KCNMA1: variants seen among roughly 807,000 people sequenced by gnomAD.
KCNMA1 encodes potassium calcium-activated channel subfamily M alpha 1.
In KCNMA1, 29 loss-of-function variants were observed where a neutral mutation model predicts 140.0. The ratio of observed to expected loss-of-function variants is 0.21; its 90% confidence interval spans 0.15 to 0.28. KCNMA1 has a LOEUF of 0.28. Among genes scored for constraint, KCNMA1 ranks in the 10% least tolerant of loss-of-function variants. The probability of loss-of-function intolerance (pLI) is 1.00; values close to 1 mark genes in which losing one functional copy is unlikely to be tolerated. For missense variants in KCNMA1, 880 were observed against 1,602.2 expected, an observed-to-expected ratio of 0.55 and a Z score of 7.70; for synonymous variants, 612 against 611.9, an observed-to-expected ratio of 1.00 and a Z score of 0.00.
At chr10:77,408,358 G>T (rs867731404) in intron 1 of KCNMA1, among the ~76,000 whole-genome samples, 1 of 152,226 alleles carries the variant, frequency 6.6e-6, no homozygotes. Context: ...CCCGATGTCA[G>T]TCAGGAAATC....
intron 2 of KCNMA1, among the ~76,000 whole-genome samples, chr10:77,264,077 C>T (rs2062754153): frequency 6.6e-6 from 1 of 152,166 alleles, no homozygotes; most frequent in Non-Finnish European, 1.5e-5. Context: ...TAAATTCCCA[C>T]TCCTACAGCC....
intron 2 of KCNMA1, among the ~76,000 whole-genome samples, chr10:77,297,437 T>C (rs2075455007): frequency 6.6e-6 from 1 of 152,168 alleles, no homozygotes; most frequent in Non-Finnish European, 1.5e-5. Context: ...TCAGGGAACA[T>C]AAGCTTTTAT....
At chr10:77,426,205 G>T (rs560938937) in intron 1 of KCNMA1, among the ~76,000 whole-genome samples, 1 of 152,184 alleles carries the variant, frequency 6.6e-6, no homozygotes, top group Non-Finnish European at 1.5e-5. Context: ...TGACAGAGAT[G>T]AAAAGAAGAA....
chr10:77,596,599 G>C (rs2081009153), intron 1 of KCNMA1, among the ~76,000 whole-genome samples: 1 of 152,162 alleles, frequency 6.6e-6, no homozygotes, highest in Non-Finnish European at 1.5e-5. Flanking sequence ...GCACAAGAAG[G>C]GATGCTATGG....
rs2670108 is a variant in KCNMA1, at chr10:77,559,097, T to G, written c.378+78168A>C. Among the ~76,000 whole-genome samples the G allele has an allele frequency of 5.3e-5, 8 of 152,216 alleles. No individual in the cohort carries two copies. The South Asian group carries it at 1.5e-3, about 28-fold the overall frequency. ...CCTGTCACTGGGCAACATGTGGTTG[T>G]GTTCAGACATCTCCCACCTGTCCAT... is the stretch of plus-strand genomic sequence containing the variant. On this transcript the variant is annotated intron_variant, in intron 1 of 27. Coordinates refer to ENST00000286628, the MANE Select transcript of KCNMA1 (RefSeq NM_001161352.2).
At chr10:77,420,041 G>A (rs1372494303) in intron 1 of KCNMA1, among the ~76,000 whole-genome samples, 1 of 152,246 alleles carries the variant, frequency 6.6e-6, no homozygotes, top group Non-Finnish European at 1.5e-5. Context: ...TGTGATTCAT[G>A]ATTTGTACCT....
At chr10:77,259,666 AAGC>A (rs1316562545) in intron 2 of KCNMA1, among the ~76,000 whole-genome samples, 1 of 152,158 alleles carries the variant, frequency 6.6e-6, no homozygotes, top group Non-Finnish European at 1.5e-5. Context: ...GCCTTCGCAC[AAGC>A]ACTTTCCTCC....
At chr10:77,592,096 T>C (rs888140516) in intron 1 of KCNMA1, among the ~76,000 whole-genome samples, 1 of 152,152 alleles carries the variant, frequency 6.6e-6, no homozygotes, top group African/African-American at 2.4e-5. Flanking sequence ...GAATCCTTGC[T>C]CGGAGGGAGC....
chr10:76,973,110 C>T (rs182365259), intron 19 of KCNMA1: 1 of 152,294 alleles, frequency 6.6e-6, no homozygotes, highest in East Asian at 1.9e-4. Context: ...AATTTACAAG[C>T]TCTTATTTAA....
intron 3 of KCNMA1, among the ~76,000 whole-genome samples, chr10:77,186,446 T>C (rs1195229375): frequency 6.6e-6 from 1 of 151,874 alleles, no homozygotes; most frequent in Non-Finnish European, 1.5e-5. Context: ...GCATGGAATT[T>C]GGTTAGTCCA....
At chr10:77,185,770 T>C (rs2098844829) in intron 3 of KCNMA1, among the ~76,000 whole-genome samples, 1 of 151,876 alleles carries the variant, frequency 6.6e-6, no homozygotes, top group Non-Finnish European at 1.5e-5. Context: ...AGAGGATCAG[T>C]GTGTGGAAAG....
intron 2 of KCNMA1, among the ~76,000 whole-genome samples, chr10:77,391,126 C>T (rs2095804747): frequency 6.6e-6 from 1 of 152,170 alleles, no homozygotes; most frequent in Non-Finnish European, 1.5e-5. Context: ...CCTGCTGAAT[C>T]CTGGGCTGCT....
intron 2 of KCNMA1, among the ~76,000 whole-genome samples, chr10:77,306,755 T>C (rs555933936): frequency 7.2e-5 from 11 of 152,330 alleles, no homozygotes; most frequent in East Asian, 1.9e-4. Flanking sequence ...CAAGAAGTGA[T>C]GGTGGCCTGA....
At chr10:77,101,952 C>T (rs1454693840) in intron 9 of KCNMA1, among the ~76,000 whole-genome samples, 1 of 152,172 alleles carries the variant, frequency 6.6e-6, no homozygotes, top group Non-Finnish European at 1.5e-5. Context: ...GGTGTTGTAG[C>T]AAGACTCTCT....
At chr10:77,171,384 TGC>T (rs2098704538) in intron 5 of KCNMA1, among the ~76,000 whole-genome samples, 5 of 129,646 alleles carry the variant, frequency 3.9e-5, no homozygotes, top group South Asian at 2.7e-4. Context: ...AAAGTACGTG[TGC>T]GTGTGTGTGT....
chr10:77,317,402 C>A (rs1223365604), intron 2 of KCNMA1, among the ~76,000 whole-genome samples: 6 of 152,164 alleles, frequency 3.9e-5, no homozygotes, highest in African/African-American at 1.4e-4. Context: ...ACATTCCAGA[C>A]TGGAAGATAA....
intron 2 of KCNMA1, among the ~76,000 whole-genome samples, chr10:77,324,845 A>G (rs1371820732): frequency 6.6e-6 from 1 of 152,108 alleles, no homozygotes; most frequent in Non-Finnish European, 1.5e-5. Context: ...CCCCTTTCCA[A>G]ACCTCCAAGT....
At chr10:77,269,708 A>G (rs2064446375) in intron 2 of KCNMA1, among the ~76,000 whole-genome samples, 1 of 152,200 alleles carries the variant, frequency 6.6e-6, no homozygotes, top group African/African-American at 2.4e-5. Flanking sequence ...ACATGTGACT[A>G]TCTCCAGGGA....
chr10:77,108,104 G>A lies in KCNMA1; in HGVS notation c.1223+377C>T, dbSNP rs60470181. ...ATTACATCTCTTGGAATTTGTGAAT[G>A]GGAGTTGGTCCAAGCGTGGCAACGT... On this transcript the variant is annotated intron_variant, in intron 9 of 27. Coordinates refer to ENST00000286628, the MANE Select transcript of KCNMA1 (RefSeq NM_001161352.2). This position sits in a 1 kb window ranked among gnomAD's most constrained non-coding sequence, Gnocchi z 4.6. Among the ~76,000 whole-genome samples, 5,606 of 152,198 alleles carry A rather than the reference G, an allele frequency of 0.037. 714 individuals are homozygous for A. In the East Asian group the frequency reaches 0.47, roughly 13 times the overall value.
Sources: gnomAD v4.1 joint callset for allele counts (sites outside exome capture counted in the v4.1 genomes callset) on GRCh38, gnomAD v4.1.1 for gene constraint, Gnocchi (gnomAD v3.1) non-coding constraint, MANE v1.5 for transcripts, NCBI Gene and HGNC (gene_info 2026-07-23, HGNC 2026-07-21) for gene names.